Variants in SLC7A6OS observed in about 807,000 individuals in gnomAD.
SLC7A6OS encodes probable RNA polymerase II nuclear localization protein SLC7A6OS.
A neutral mutation model predicts 34.3 loss-of-function variants in SLC7A6OS; 22 were observed. That is an observed-to-expected ratio of 0.64 (90% confidence interval 0.46 to 0.92). SLC7A6OS has a LOEUF of 0.92. SLC7A6OS is among the 40% of genes least tolerant of loss of function. The probability of loss-of-function intolerance (pLI) is 0.00; values close to 1 mark genes in which losing one functional copy is unlikely to be tolerated. For synonymous variants in SLC7A6OS, 199 were observed against 165.0 expected (o/e 1.21, Z -1.58); for missense variants, 434 against 407.7 (o/e 1.06, Z -0.56).
chr16:68,302,573 A>C, intron 3 of SLC7A6OS, 72 bp from the exon 4 acceptor site: 2 of 1,590,892 alleles, frequency 1.3e-6, no homozygotes, highest in Non-Finnish European at 1.7e-6. Flanking sequence ...AGTTGTTAGC[A>C]TACCAGCTTG....
intron 1 of SLC7A6OS, 38 bp from the exon 2 acceptor site, chr16:68,310,651 G>T: frequency 1.3e-6 from 2 of 1,580,140 alleles, no homozygotes; most frequent in Non-Finnish European, 1.7e-6. Flanking sequence ...GCGTAAGCAG[G>T]AGTTCGCGAG....
At chr16:68,309,976 TCACTC>T (rs2043419503) in intron 2 of SLC7A6OS, among the ~76,000 whole-genome samples, 1 of 152,172 alleles carries the variant, frequency 6.6e-6, no homozygotes, top group Non-Finnish European at 1.5e-5. Context: ...CTGCAAGTCT[TCACTC>T]AAATGTCATT....
intron 2 of SLC7A6OS, among the ~76,000 whole-genome samples, chr16:68,305,903 C>T (rs777206522): frequency 4.6e-5 from 7 of 152,034 alleles, no homozygotes; most frequent in Non-Finnish European, 8.8e-5. Flanking sequence ...ACAAAAAATA[C>T]AAAAATTAGC....
At position 68,299,301 on chromosome 16, in the gene SLC7A6OS, A is replaced by C. The variant is rs1597016204; in HGVS notation, c.*1974T>G. 6.6e-6 allele frequency: 1 copy of C among 152,620 alleles called. No homozygotes were observed. The highest frequency in any genetic ancestry group is 2.1e-4 in the South Asian group (1 of 4,834). 9.5% of individuals were successfully genotyped at this position (152,620 alleles called of 1,614,324 possible). Reference sequence around the variant, plus strand: ...ACCAGATAACCAGCTAATCCCAGGAATTTGCTGCCCCCCACCAGTGGCTTC... The same window carrying C: ...ACCAGATAACCAGCTAATCCCAGGACTTTGCTGCCCCCCACCAGTGGCTTC... On this transcript the variant is annotated 3_prime_UTR_variant, in exon 5 of 5. Transcript: ENST00000263997.
chr16:68,308,252 A>G (rs530266188), intron 2 of SLC7A6OS, among the ~76,000 whole-genome samples: 2 of 152,270 alleles, frequency 1.3e-5, no homozygotes, highest in Non-Finnish European at 2.9e-5. Flanking sequence ...TTTACTTTAC[A>G]CATTTTGTAA....
At position 68,310,886 on chromosome 16, in the gene SLC7A6OS, T is replaced by C. The variant is rs1478104712; in HGVS notation, c.41A>G (p.Lys14Arg). 1.2e-6 allele frequency: 2 copies of C among 1,605,578 alleles called. No homozygotes were observed. The highest frequency in any genetic ancestry group is 1.7e-6 in the Non-Finnish European group (2 of 1,177,422). The change falls in exon 1 of 5, where the codon AAG becomes AGG. Residue 14 changes from lysine (K) to arginine (R), a missense_variant. Physicochemically the swap from Lys to Arg is conservative, Grantham distance 26 (BLOSUM62 2). Transcript: ENST00000263997. The stretch of plus-strand genomic sequence containing the variant: ...AGCCTCCGCCGGCTCCGCACTGCGC[T>C]TCCGCTTCACCCGGAGTACAGCGGT... The part of the protein sequence containing the change: ...ARTAVLRVKR[K>R]RSAEPAEALV...
intron 2 of SLC7A6OS, 149 bp from the exon 3 acceptor site, chr16:68,304,381 C>T (rs1190902912): frequency 3.5e-5 from 24 of 680,478 alleles, no homozygotes; most frequent in Non-Finnish European, 5.5e-5. Context: ...AGTGCAGTGG[C>T]GTGGTCTTGG....
Position 68,299,199 on chromosome 16 carries a change from G to A in SLC7A6OS, c.*2076C>T, listed in dbSNP as rs2043226458. The A allele has an allele frequency of 6.6e-6, 1 of 152,560 alleles. No homozygotes were observed. Among genetic ancestry groups the A allele is most frequent in the Non-Finnish European group, 1.5e-5 (1 of 68,024 alleles). 9.5% of individuals were successfully genotyped at this position (152,560 alleles called of 1,614,324 possible). A position where few individuals can be genotyped will look rare whatever the true frequency, so the allele number is the denominator to read the frequency against. ...TGAGCTAAGCTGGCACCCATCCCAG[G>A]GCTCCTCTGGAGCTAATCCTTTAAG... On this transcript the variant is annotated 3_prime_UTR_variant, in exon 5 of 5. Transcript: ENST00000263997.
intron 2 of SLC7A6OS, among the ~76,000 whole-genome samples, chr16:68,309,813 G>T (rs1275103277): frequency 1.3e-5 from 2 of 152,106 alleles, no homozygotes; most frequent in Non-Finnish European, 2.9e-5. Flanking sequence ...TACCTAGCAG[G>T]CATCCTCCCC....
intron 4 of SLC7A6OS, 180 bp downstream of exon 4, chr16:68,302,201 C>G: frequency 1.5e-6 from 1 of 654,404 alleles, no homozygotes; most frequent in South Asian, 1.8e-5. Context: ...GATTATTACA[C>G]CCCCAGGAGG....
At position 68,304,212 on chromosome 16, in the gene SLC7A6OS, G is replaced by A. The variant is rs1388923463; in HGVS notation, c.492C>T (p.Ile164=). 10 of 1,614,124 alleles carry A rather than the reference G, an allele frequency of 6.2e-6. No individual in the cohort carries two copies. Among genetic ancestry groups the A allele is most frequent in the Non-Finnish European group, 8.5e-6 (10 of 1,179,974 alleles). ...GGATCAACTCTACAGAATTGCAGAG[G>A]ATCACATCTGGGTCAGATGTCTGTA... is the stretch of plus-strand genomic sequence containing the variant. ...GSCKTSDPDV[I]LCNSVELIRE... Residue 164 remains isoleucine, a synonymous_variant, in exon 3 of 5, where the codon ATC becomes ATT. Transcript: ENST00000263997.
chr16:68,302,360 C>T lies in SLC7A6OS; in HGVS notation c.799+21G>A, dbSNP rs187209490. On this transcript the variant is annotated intron_variant, in intron 4 of 4. Transcript: ENST00000263997. ...AGTCTCAGATCCTACCAGTCCCTCC[C>T]GGTCTGGGGCTGCCACCCACCTCTG... The T allele has an allele frequency of 8.8e-4, 1,415 of 1,613,738 alleles. 2 individuals carry two copies. The highest frequency in any genetic ancestry group is 9.9e-4 in the Non-Finnish European group (1,163 of 1,179,826).
rs759333406 is a variant in SLC7A6OS, at chr16:68,310,382, C to T, written c.424G>A (p.Val142Ile). 2 of 1,611,148 alleles carry T rather than the reference C, an allele frequency of 1.2e-6. No individual in the cohort carries two copies. Among genetic ancestry groups the T allele is most frequent in the East Asian group, 2.2e-5 (1 of 44,808 alleles). ...GCTTCAGGTTCTCCCTCCTCGTGGA[C>T]AAGGTCTAACAACTGAAAGCCCGAG... is the stretch of plus-strand genomic sequence containing the variant. ...GNSGFQLLDL[V>I]HEEGEPEAAS... is the part of the protein sequence containing the mutation. Residue 142 changes from valine to isoleucine, a missense_variant, in exon 2 of 5, where the codon GTC (valine) becomes ATC (isoleucine). Val to Ile is a conservative substitution (Grantham distance 29). Transcript: ENST00000263997.
intron 2 of SLC7A6OS, among the ~76,000 whole-genome samples, chr16:68,307,263 G>A (rs1158569800): frequency 6.6e-6 from 1 of 152,132 alleles, no homozygotes; most frequent in Non-Finnish European, 1.5e-5. Context: ...TACCTAGCAC[G>A]CTATTTGACA....
chr16:68,303,746 C>A (rs1380674049), intron 3 of SLC7A6OS: 6 of 381,520 alleles, frequency 1.6e-5, no homozygotes, highest in East Asian at 4.8e-5. Flanking sequence ...ATACATATTT[C>A]CCCCCTAAGA....
chr16:68,310,658 C>A (rs772947702), intron 1 of SLC7A6OS, 45 bp from the exon 2 acceptor site: 1 of 1,576,552 alleles, frequency 6.3e-7, no homozygotes, highest in Non-Finnish European at 8.6e-7. Flanking sequence ...CAGGAGTTCG[C>A]GAGCGGGTCA....
At chr16:68,302,187 G>C in intron 4 of SLC7A6OS, 194 bp downstream of exon 4, 1 of 617,650 alleles carries the variant, frequency 1.6e-6, no homozygotes, top group Non-Finnish European at 2.8e-6. Context: ...ATCCAGGCCT[G>C]ATGGATTATT....
chr16:68,310,251 G>T, intron 2 of SLC7A6OS, 84 bp downstream of exon 2: 1 of 1,418,876 alleles, frequency 7.0e-7, no homozygotes, highest in Non-Finnish European at 9.5e-7. Flanking sequence ...ATCCCCTTAA[G>T]ATGAAACTGT....
At chr16:68,304,769 C>G (rs1332411446) in intron 2 of SLC7A6OS, among the ~76,000 whole-genome samples, 3 of 152,186 alleles carry the variant, frequency 2.0e-5, no homozygotes, top group African/African-American at 7.2e-5. Context: ...GGCTCCTGCT[C>G]TTTTGTGCTT....
Sources: allele counts gnomAD v4.1 joint callset (sites outside exome capture counted in the v4.1 genomes callset), GRCh38; gene constraint gnomAD v4.1.1; transcripts MANE v1.5; gene names NCBI Gene and HGNC (gene_info 2026-07-23, HGNC 2026-07-21).